Variants in PIK3C2A observed in about 807,000 individuals in gnomAD.
The protein encoded by PIK3C2A is phosphatidylinositol-4-phosphate 3-kinase catalytic subunit type 2 alpha, also known as phosphatidylinositol 4-phosphate 3-kinase C2 domain-containing subunit alpha.
In PIK3C2A, 97 loss-of-function variants were observed where a neutral mutation model predicts 204.5. The ratio of observed to expected loss-of-function variants is 0.47; its 90% CI spans 0.40 to 0.56. PIK3C2A has a LOEUF of 0.56. PIK3C2A is among the 20% of genes least tolerant of loss of function. The pLI is 0.00. For missense variants in PIK3C2A, 1,735 were observed against 1,969.2 expected (o/e 0.88, Z 2.25); for synonymous variants, 653 against 664.4 (o/e 0.98, Z 0.26).
chr11:17,142,181 A>T (rs1850084117), intron 8 of PIK3C2A, among the ~76,000 whole-genome samples: 1 of 152,208 alleles, frequency 6.6e-6, no homozygotes, highest in Non-Finnish European at 1.5e-5. Flanking sequence ...TTGAGATGTC[A>T]ATTAATTAGA....
chr11:17,193,873 A>AGGGG (rs1565305803), intron 1 of PIK3C2A: 8 of 111,400 alleles, frequency 7.2e-5, no homozygotes, highest in Admixed American at 2.5e-4. Context: ...AAAAGAAAAG[A>AGGGG]AAAGAAAAGA....
chr11:17,140,746 C>G (rs1850037338), intron 8 of PIK3C2A, among the ~76,000 whole-genome samples: 1 of 152,120 alleles, frequency 6.6e-6, no homozygotes. Flanking sequence ...TTATACAACT[C>G]TATGCATTGG....
At chr11:17,160,836 CCAAAA>C (rs1261325536) in intron 2 of PIK3C2A, among the ~76,000 whole-genome samples, 1 of 151,940 alleles carries the variant, frequency 6.6e-6, no homozygotes, top group African/African-American at 2.4e-5. Flanking sequence ...CAAAACCAAA[CCAAAA>C]CAAAACAAAC....
At chr11:17,102,472 C>T (rs1848670489) in intron 24 of PIK3C2A, among the ~76,000 whole-genome samples, 190 bp downstream of exon 24, 3 of 152,088 alleles carry the variant, frequency 2.0e-5, no homozygotes, top group South Asian at 2.1e-4. Flanking sequence ...ACAACAACAA[C>T]AACAAAACAA....
chr11:17,105,181 T>C lies in PIK3C2A; in HGVS notation c.3669A>G (p.Glu1223=), dbSNP rs1848769097. The change falls in exon 23 of 33, where the codon GAA becomes GAG. Residue 1223 remains glutamate (E), a synonymous_variant. Coordinates refer to ENST00000691414, the MANE Select transcript of PIK3C2A (RefSeq NM_002645.4). Reference sequence around the variant, plus strand: ...ACATGCTAATTACCTTTTCATATTCTTCTTCAGAGGGATTGTATTTCCTTA... The same window carrying C: ...ACATGCTAATTACCTTTTCATATTCCTCTTCAGAGGGATTGTATTTCCTTA... ...EWLRKYNPSE[E]EYEKASENFI... 6.2e-7 allele frequency: 1 copy of C among 1,611,458 alleles called. No homozygotes were observed. Among genetic ancestry groups the C allele is most frequent in the African/African-American group, 1.3e-5 (1 of 75,022 alleles).
At chr11:17,138,341 T>C in intron 8 of PIK3C2A, 2 of 405,540 alleles carry the variant, frequency 4.9e-6, no homozygotes, top group Non-Finnish European at 9.1e-6. Flanking sequence ...TTTTTTTTTT[T>C]AATTCAGTGT....
Position 17,102,781 on chromosome 11 carries a change from A to T in PIK3C2A, c.3732T>A (p.Tyr1244Ter). The T allele has an allele frequency of 1.2e-6, 2 of 1,612,486 alleles. No homozygotes were observed. The highest frequency in any genetic ancestry group is 1.7e-6 in the Non-Finnish European group (2 of 1,178,536). The change falls in exon 24 of 33, where the codon TAT (tyrosine) becomes TAA (stop). Residue 1244 changes from tyrosine to a stop codon, truncating the protein, a stop_gained. Coordinates refer to ENST00000691414, the MANE Select transcript of PIK3C2A (RefSeq NM_002645.4). LOFTEE classifies it high-confidence loss of function. ...YSCAGCCVAT[Y>*]VLGICDRHND... ...TGTGTCGATCACAGATGCCTAAAAC[A>T]TAGGTGGCTACACAGCATCCAGCAC... is the stretch of plus-strand genomic sequence containing the variant.
chr11:17,121,750 T>A (rs541292554), intron 15 of PIK3C2A, among the ~76,000 whole-genome samples: 1 of 152,192 alleles, frequency 6.6e-6, no homozygotes, highest in African/African-American at 2.4e-5. Flanking sequence ...TGTTTAAAAG[T>A]ATTGTATTTT....
intron 22 of PIK3C2A, among the ~76,000 whole-genome samples, chr11:17,106,353 A>C (rs1848816451): frequency 6.6e-6 from 1 of 152,200 alleles, no homozygotes; most frequent in Non-Finnish European, 1.5e-5. Context: ...CAGAGGTTGC[A>C]GTGAGTCAAG....
chr11:17,131,524 A>C (rs1471445144), intron 12 of PIK3C2A, among the ~76,000 whole-genome samples: 2 of 147,914 alleles, frequency 1.4e-5, no homozygotes, highest in Non-Finnish European at 3.0e-5. Context: ...CGGATTCATG[A>C]CATTCTCCTG....
intron 2 of PIK3C2A, among the ~76,000 whole-genome samples, chr11:17,165,382 A>G (rs1206598033): frequency 1.3e-5 from 2 of 152,188 alleles, no homozygotes; most frequent in Admixed American, 6.5e-5. Context: ...ACTGTGACAT[A>G]TAACTAAATT....
chr11:17,090,381 C>G (rs1054002539), intron 32 of PIK3C2A, among the ~76,000 whole-genome samples: 1 of 152,308 alleles, frequency 6.6e-6, no homozygotes, highest in African/African-American at 2.4e-5. Context: ...GCAGGAGAAT[C>G]ACTTGAACTC....
chr11:17,126,892 A>G (rs1199525376), intron 13 of PIK3C2A, among the ~76,000 whole-genome samples: 3 of 152,224 alleles, frequency 2.0e-5, no homozygotes. Flanking sequence ...TAGACAATAA[A>G]AGTGGCAAAA....
At chr11:17,200,965 G>A (rs1477261514) in intron 1 of PIK3C2A, among the ~76,000 whole-genome samples, 1 of 152,112 alleles carries the variant, frequency 6.6e-6, no homozygotes, top group Non-Finnish European at 1.5e-5. Context: ...CAGCACTTTA[G>A]GAGGCAGATG....
intron 23 of PIK3C2A, among the ~76,000 whole-genome samples, chr11:17,103,658 C>A (rs1848715047): frequency 6.6e-6 from 1 of 152,074 alleles, no homozygotes; most frequent in Admixed American, 6.6e-5. Context: ...TAGAATCTCA[C>A]AACAATCAAT....
intron 13 of PIK3C2A, among the ~76,000 whole-genome samples, chr11:17,127,879 G>A (rs1001158788): frequency 1.3e-5 from 2 of 152,138 alleles, no homozygotes; most frequent in Non-Finnish European, 2.9e-5. Context: ...ACAAAAAAGT[G>A]TCATGGTATC....
intron 2 of PIK3C2A, among the ~76,000 whole-genome samples, chr11:17,162,087 G>C (rs1431850616): frequency 1.3e-5 from 2 of 152,128 alleles, no homozygotes; most frequent in East Asian, 3.9e-4. Flanking sequence ...TGTCATCCCA[G>C]CACTTTGGGA....
At chr11:17,193,662 A>G (rs771121345) in intron 1 of PIK3C2A, 61 of 244,780 alleles carry the variant, frequency 2.5e-4, no homozygotes, top group Non-Finnish European at 3.8e-4. Flanking sequence ...CCTGGCCAAC[A>G]TGGTGAAACC....
chr11:17,089,736 G>A lies in PIK3C2A; in HGVS notation c.*2C>T. The A allele has an allele frequency of 6.2e-7, 1 of 1,607,446 alleles. No individual in the cohort carries two copies. ...GCTTCCAAAGCTCAAACATTCACTAGTTTACAAGTATGTTGCCGCAGTCAG... is the reference window on the plus strand; with the variant it reads ...GCTTCCAAAGCTCAAACATTCACTAATTTACAAGTATGTTGCCGCAGTCAG... On this transcript the variant is annotated 3_prime_UTR_variant, in exon 33 of 33. Transcript: ENST00000691414.
Sources: allele counts gnomAD v4.1 joint callset (sites outside exome capture counted in the v4.1 genomes callset), GRCh38; gene constraint gnomAD v4.1.1; transcripts MANE v1.5; gene names NCBI Gene and HGNC (gene_info 2026-07-23, HGNC 2026-07-21).